Variants in CEP85L observed in about 807,000 individuals in gnomAD.
The protein encoded by CEP85L is centrosomal protein of 85 kDa-like.
CEP85L carries 60 observed loss-of-function variants against 100.3 expected under a neutral mutation model. The observed-to-expected ratio is 0.60, with a 90% CI of 0.49 to 0.74. The LOEUF is 0.74. Ranked by LOEUF, CEP85L falls within the 30% of genes least tolerant of loss-of-function variation. CEP85L has a pLI of 0.00. For missense variants in CEP85L, 973 were observed against 936.2 expected (o/e 1.04, Z -0.51); for synonymous variants, 319 against 322.7 (o/e 0.99, Z 0.12).
intron 2 of CEP85L, among the ~76,000 whole-genome samples, chr6:118,577,695 G>T (rs1209530181): frequency 6.6e-6 from 1 of 152,148 alleles, no homozygotes; most frequent in African/African-American, 2.4e-5. Flanking sequence ...AGCTGAAAAA[G>T]GTGGGGTCTG....
chr6:118,492,434 A>G (rs1774637306), intron 5 of CEP85L, among the ~76,000 whole-genome samples: 2 of 152,148 alleles, frequency 1.3e-5, no homozygotes, highest in South Asian at 4.1e-4. Flanking sequence ...AAATGGCACA[A>G]AATAAGTACT....
chr6:118,600,213 A>T (rs373803542), intron 2 of CEP85L, among the ~76,000 whole-genome samples: 1 of 151,186 alleles, frequency 6.6e-6, no homozygotes, highest in Non-Finnish European at 1.5e-5. Flanking sequence ...GCCTCCAAAG[A>T]ACAGAATATG....
At chr6:118,480,874 G>T (rs1387322427) in intron 8 of CEP85L, among the ~76,000 whole-genome samples, 1 of 152,038 alleles carries the variant, frequency 6.6e-6, no homozygotes, top group Non-Finnish European at 1.5e-5. Flanking sequence ...TGATTAAGAT[G>T]ATCATTGCAG....
intron 2 of CEP85L, among the ~76,000 whole-genome samples, chr6:118,598,689 A>G (rs1231892328): frequency 6.6e-6 from 1 of 152,226 alleles, no homozygotes; most frequent in Non-Finnish European, 1.5e-5. Context: ...GGCCCTGCCA[A>G]CACCTTCATT....
chr6:118,588,533 A>T (rs911823853), intron 2 of CEP85L, among the ~76,000 whole-genome samples: 5 of 152,162 alleles, frequency 3.3e-5, no homozygotes, highest in Non-Finnish European at 5.9e-5. Flanking sequence ...ATCTACAGGT[A>T]CTTAAAGATC....
At position 118,680,900 on chromosome 6, in the gene CEP85L, G is replaced by T. The variant is rs181601767; in HGVS notation, c.-27-28092C>A. Among the ~76,000 whole-genome samples the T allele has an allele frequency of 8.9e-3, 1,350 of 151,856 alleles. 5 individuals carry two copies. The highest frequency in any genetic ancestry group is 0.011 in the South Asian group (55 of 4,808). ...CAAAAAAAAAAAGACACTCTGAGAT[G>T]ACTCTAAAGTGCCTGACTAAAACCA... On this transcript the variant is annotated intron_variant, in intron 1 of 13. Transcript: ENST00000368488.
At chr6:118,642,705 G>A (rs1376527141) in intron 1 of CEP85L, among the ~76,000 whole-genome samples, 1 of 152,088 alleles carries the variant, frequency 6.6e-6, no homozygotes, top group Non-Finnish European at 1.5e-5. Flanking sequence ...CCTAAGGTCA[G>A]GAGTTCGAGA....
chr6:118,579,082 G>C (rs1780414381), intron 2 of CEP85L, among the ~76,000 whole-genome samples: 1 of 152,102 alleles, frequency 6.6e-6, no homozygotes, highest in Admixed American at 6.5e-5. Flanking sequence ...TTATTGTAGA[G>C]ACATTGTTTC....
At position 118,692,092 on chromosome 6, in the gene CEP85L, T is replaced by C. The variant is rs575547882; in HGVS notation, c.-28+17944A>G. ...GGCGAGGGGACAAGGCTGAGGTGTA[T>C]GGAAGCTCCCATCCCTTTCTGGGTC... On this transcript the variant is annotated intron_variant, in intron 1 of 13. Transcript: ENST00000368488. Among the ~76,000 whole-genome samples, 5 of 152,172 alleles carry C rather than the reference T, an allele frequency of 3.3e-5. 1 individual carries two copies. The highest frequency in any genetic ancestry group is 1.2e-4 in the African/African-American group (5 of 41,484).
At chr6:118,579,758 A>C (rs1030564471) in intron 2 of CEP85L, among the ~76,000 whole-genome samples, 1 of 152,252 alleles carries the variant, frequency 6.6e-6, no homozygotes, top group East Asian at 1.9e-4. Flanking sequence ...AGAGAAGACA[A>C]GGGGTCCTTG....
At chr6:118,526,194 T>C (rs1464189366) in intron 3 of CEP85L, among the ~76,000 whole-genome samples, 1 of 152,244 alleles carries the variant, frequency 6.6e-6, no homozygotes, top group Non-Finnish European at 1.5e-5. Flanking sequence ...AGGGCTGATA[T>C]TCAGCCAGTA....
intron 1 of CEP85L, among the ~76,000 whole-genome samples, chr6:118,662,287 T>G (rs932759038): frequency 3.9e-5 from 6 of 152,042 alleles, no homozygotes; most frequent in African/African-American, 2.4e-5. Context: ...CCCAACACCT[T>G]GGGAGGCCAA....
intron 1 of CEP85L, among the ~76,000 whole-genome samples, chr6:118,661,564 G>T (rs1215743902): frequency 1.3e-5 from 2 of 151,708 alleles, no homozygotes; most frequent in African/African-American, 4.8e-5. Context: ...AAATGTTTAG[G>T]ACTAATGCAT....
intron 1 of CEP85L, among the ~76,000 whole-genome samples, chr6:118,680,770 C>T (rs932484643): frequency 5.9e-5 from 9 of 151,648 alleles, no homozygotes; most frequent in African/African-American, 2.2e-4. Flanking sequence ...TCTGCTACTC[C>T]GGAGGCTGAG....
chr6:118,692,741 AGT>A (rs1777085274), intron 1 of CEP85L, among the ~76,000 whole-genome samples: 7 of 62,944 alleles, frequency 1.1e-4, no homozygotes, highest in Non-Finnish European at 1.2e-4. Flanking sequence ...GCAGTGAGCT[AGT>A]TAAGGGCAGA....
chr6:118,468,987 CAG>C (rs2114413945), intron 12 of CEP85L, 83 bp downstream of exon 12: 1 of 856,712 alleles, frequency 1.2e-6, no homozygotes, highest in African/African-American at 1.7e-5. Flanking sequence ...CAAAAATAAA[CAG>C]AGAAAAGGCA....
chr6:118,575,535 G>A (rs975177011), intron 2 of CEP85L, among the ~76,000 whole-genome samples: 7 of 152,110 alleles, frequency 4.6e-5, no homozygotes, highest in African/African-American at 1.7e-4. Context: ...TTACCCTTTA[G>A]ATCACCTTCC....
chr6:118,475,201 C>A (rs1052657830), intron 10 of CEP85L, among the ~76,000 whole-genome samples: 1 of 151,860 alleles, frequency 6.6e-6, no homozygotes, highest in Non-Finnish European at 1.5e-5. Context: ...TGGATGGGGG[C>A]TTAGGGAAGT....
At chr6:118,489,346 T>C (rs1774401179) in intron 6 of CEP85L, among the ~76,000 whole-genome samples, 1 of 150,952 alleles carries the variant, frequency 6.6e-6, no homozygotes, top group Admixed American at 6.6e-5. Context: ...GTTGATTACC[T>C]ACCCTTGTAC....
Sources: allele counts gnomAD v4.1 joint callset (sites outside exome capture counted in the v4.1 genomes callset), GRCh38; gene constraint gnomAD v4.1.1; transcripts MANE v1.5; gene names NCBI Gene and HGNC (gene_info 2026-07-23, HGNC 2026-07-21).